LCLAT1: variants seen among roughly 807,000 people sequenced by gnomAD.
LCLAT1 encodes lysocardiolipin acyltransferase 1, also known as 1-AGP acyltransferase 8.
Under a neutral mutation model 30.7 loss-of-function variants are expected in LCLAT1, and 11 were observed. The observed-to-expected ratio is 0.36, with a 90% confidence interval of 0.23 to 0.59. The LOEUF (loss-of-function observed/expected upper bound fraction) is 0.59, where lower values mean the gene tolerates loss of function less well. Among genes scored for constraint, LCLAT1 ranks in the 20% least tolerant of loss-of-function variants. The probability of loss-of-function intolerance (pLI) is 0.77; values close to 1 mark genes in which losing one functional copy is unlikely to be tolerated. For missense variants in LCLAT1, 402 were observed against 458.6 expected, an observed-to-expected ratio of 0.88 and a Z score of 1.13; for synonymous variants, 155 against 151.3, an observed-to-expected ratio of 1.02 and a Z score of -0.18.
intron 1 of LCLAT1, among the ~76,000 whole-genome samples, chr2:30,513,844 T>C (rs904814629): frequency 6.6e-6 from 1 of 152,210 alleles, no homozygotes; most frequent in Non-Finnish European, 1.5e-5. Flanking sequence ...TTGTCCCGCC[T>C]TTCCAGATAG....
intron 3 of LCLAT1, among the ~76,000 whole-genome samples, chr2:30,561,536 A>G (rs1048997705): frequency 2.6e-5 from 4 of 152,134 alleles, no homozygotes; most frequent in African/African-American, 9.7e-5. Flanking sequence ...CTCTCTCTTC[A>G]AAGAGCAAGG....
intron 5 of LCLAT1, among the ~76,000 whole-genome samples, chr2:30,593,947 A>G (rs1391277197): frequency 6.6e-6 from 1 of 151,630 alleles, no homozygotes; most frequent in Non-Finnish European, 1.5e-5. Context: ...AAGACATGTA[A>G]AATTCTAATT....
chr2:30,576,246 T>G (rs561407482), intron 5 of LCLAT1, among the ~76,000 whole-genome samples: 2 of 152,292 alleles, frequency 1.3e-5, no homozygotes, highest in African/African-American at 4.8e-5. Context: ...GAGTAAAATT[T>G]GTGGAATTGC....
chr2:30,465,710 AAAGTT>A (rs1682384701), intron 1 of LCLAT1, among the ~76,000 whole-genome samples: 1 of 152,236 alleles, frequency 6.6e-6, no homozygotes, highest in Admixed American at 6.5e-5. Context: ...CCTCAATAGT[AAAGTT>A]AATAAGGAAA....
chr2:30,600,772 C>A (rs1467023383), intron 5 of LCLAT1, among the ~76,000 whole-genome samples: 1 of 152,060 alleles, frequency 6.6e-6, no homozygotes, highest in Non-Finnish European at 1.5e-5. Context: ...CTATGATGTA[C>A]TTCTCATGGA....
intron 5 of LCLAT1, among the ~76,000 whole-genome samples, chr2:30,634,487 G>T (rs2602809): frequency 2.0e-5 from 3 of 152,248 alleles, no homozygotes; most frequent in East Asian, 3.9e-4. Context: ...TTAGCTGGGC[G>T]TGGTGGTGTG....
At chr2:30,505,619 C>T (rs1572540360) in intron 1 of LCLAT1, among the ~76,000 whole-genome samples, 1 of 152,048 alleles carries the variant, frequency 6.6e-6, no homozygotes. Flanking sequence ...CCCTGTGTAA[C>T]CAGCAGCCAG....
At chr2:30,628,127 A>G (rs1179547381) in intron 5 of LCLAT1, among the ~76,000 whole-genome samples, 3 of 152,250 alleles carry the variant, frequency 2.0e-5, no homozygotes, top group East Asian at 3.8e-4. Context: ...AAAAACAGAA[A>G]TAGAAACACA....
At chr2:30,559,273 T>C (rs1200339313) in intron 3 of LCLAT1, among the ~76,000 whole-genome samples, 1 of 152,200 alleles carries the variant, frequency 6.6e-6, no homozygotes, top group Admixed American at 6.5e-5. Context: ...CAGGCATATA[T>C]GTATATGTGA....
In LCLAT1 at chr2:30,634,573, C is replaced by T. The variant is rs533368041; in HGVS notation, c.629-5544C>T. The stretch of plus-strand genomic sequence containing the variant: ...CCCAGGAGTGGAGGTTGCAGTGAGC[C>T]GGCGACAAGCGCAAAACTCCATCTC... On this transcript the variant is annotated intron_variant, in intron 5 of 5. Transcript: ENST00000379509. Among the ~76,000 whole-genome samples the T allele has an allele frequency of 7.9e-5, 12 of 152,134 alleles. No homozygotes were observed. The South Asian group carries it at 1.9e-3, about 24-fold the overall frequency.
chr2:30,536,628 T>C (rs1686258249), intron 3 of LCLAT1, among the ~76,000 whole-genome samples: 1 of 152,156 alleles, frequency 6.6e-6, no homozygotes, highest in African/African-American at 2.4e-5. Flanking sequence ...GAGAAATGAT[T>C]AATTACTTCT....
chr2:30,449,991 G>C (rs1049800449), intron 1 of LCLAT1, among the ~76,000 whole-genome samples: 2 of 152,088 alleles, frequency 1.3e-5, no homozygotes, highest in African/African-American at 4.8e-5. Flanking sequence ...AGTAAAAGTG[G>C]CTAGGACATT....
At chr2:30,547,146 G>C (rs939189675) in intron 3 of LCLAT1, among the ~76,000 whole-genome samples, 5 of 152,062 alleles carry the variant, frequency 3.3e-5, no homozygotes, top group Non-Finnish European at 7.4e-5. Context: ...AGCCTTCCTG[G>C]AATGAATCTC....
intron 1 of LCLAT1, among the ~76,000 whole-genome samples, chr2:30,461,299 T>C (rs1413208956): frequency 6.6e-6 from 1 of 152,230 alleles, no homozygotes; most frequent in African/African-American, 2.4e-5. Context: ...GCAGTGTGCT[T>C]ACCCTTTGAC....
intron 5 of LCLAT1, among the ~76,000 whole-genome samples, chr2:30,599,477 T>TATCA (rs1667082152): frequency 1.3e-5 from 2 of 152,254 alleles, no homozygotes; most frequent in African/African-American, 4.8e-5. Flanking sequence ...TGTAGATATC[T>TATCA]ATCAGATCCA....
intron 1 of LCLAT1, among the ~76,000 whole-genome samples, chr2:30,469,877 G>A (rs964164666): frequency 6.6e-6 from 1 of 152,052 alleles, no homozygotes; most frequent in Non-Finnish European, 1.5e-5. Flanking sequence ...ACATGCATGA[G>A]CCACTGCACC....
chr2:30,558,164 A>ATG (rs1178370013), intron 3 of LCLAT1, among the ~76,000 whole-genome samples: 1 of 152,158 alleles, frequency 6.6e-6, no homozygotes. Context: ...GTATATGTGT[A>ATG]TGTGTGTGTG....
chr2:30,525,027 T>C (rs916589066), intron 1 of LCLAT1, among the ~76,000 whole-genome samples: 7 of 107,436 alleles, frequency 6.5e-5, no homozygotes, highest in Non-Finnish European at 1.3e-4. Context: ...AAAGAAAATA[T>C]ATGGTTTTAT....
chr2:30,514,301 T>C (rs1685079116), intron 1 of LCLAT1, among the ~76,000 whole-genome samples: 1 of 152,202 alleles, frequency 6.6e-6, no homozygotes, highest in South Asian at 2.1e-4. Context: ...TACAAATCTA[T>C]TGTAGCATAT....
Sources: gnomAD v4.1 joint callset for allele counts (sites outside exome capture counted in the v4.1 genomes callset) on GRCh38, gnomAD v4.1.1 for gene constraint, MANE v1.5 for transcripts, NCBI Gene and HGNC (gene_info 2026-07-23, HGNC 2026-07-21) for gene names.